The following TAF3 variants were observed in gnomAD, a reference collection of about 807,000 sequenced individuals.
The protein encoded by TAF3 is TATA-box binding protein associated factor 3.
TAF3 carries 7 observed loss-of-function variants against 80.6 expected under a neutral mutation model. The ratio of observed to expected loss-of-function variants is 0.09; its 90% CI spans 0.05 to 0.16. TAF3 has a LOEUF of 0.16. Among genes scored for constraint, TAF3 ranks in the 10% least tolerant of loss-of-function variants. TAF3 has a pLI of 1.00. For missense variants in TAF3, 921 were observed against 1,140.2 expected (o/e 0.81, Z 2.77); for synonymous variants, 444 against 446.1 (o/e 1.00, Z 0.06).
chr10:7,973,985 G>A (rs530073759), intron 3 of TAF3, among the ~76,000 whole-genome samples: 8 of 151,968 alleles, frequency 5.3e-5, no homozygotes, highest in South Asian at 4.2e-4. Context: ...AAAAGTAGCC[G>A]GGCATGGTGG....
chr10:7,822,200 A>T (rs1836696497), intron 1 of TAF3, among the ~76,000 whole-genome samples: 1 of 151,556 alleles, frequency 6.6e-6, no homozygotes, highest in Non-Finnish European at 1.5e-5. Flanking sequence ...TGAGATAGTG[A>T]CAGTAAGAAT....
At chr10:7,955,309 G>A (rs375470892) in intron 2 of TAF3, among the ~76,000 whole-genome samples, 171 of 152,304 alleles carry the variant, frequency 1.1e-3, no homozygotes, top group African/African-American at 3.9e-3. Flanking sequence ...GAAAGTTTGT[G>A]CATCATTGTA....
chr10:7,993,679 A>G (rs902330796), intron 4 of TAF3, among the ~76,000 whole-genome samples: 5 of 152,118 alleles, frequency 3.3e-5, no homozygotes, highest in African/African-American at 7.2e-5. Context: ...TTTTGCTGCT[A>G]TATACTTCTT....
intron 2 of TAF3, among the ~76,000 whole-genome samples, chr10:7,945,901 A>G (rs142271962): frequency 4.0e-4 from 61 of 152,268 alleles, no homozygotes; most frequent in African/African-American, 1.2e-3. Flanking sequence ...AGTAAAATCT[A>G]TGAATAGAGA....
intron 2 of TAF3, among the ~76,000 whole-genome samples, chr10:7,854,719 A>C (rs1281057110): frequency 6.6e-6 from 1 of 151,884 alleles, no homozygotes; most frequent in Non-Finnish European, 1.5e-5. Flanking sequence ...AAATATGTGC[A>C]TGTTTCTGTG....
chr10:7,944,093 TTGTG>T (rs35219363), intron 2 of TAF3, among the ~76,000 whole-genome samples: 3,453 of 137,054 alleles, frequency 0.025, 70 homozygotes, highest in African/African-American at 0.055. Context: ...ATGTTCATGC[TTGTG>T]TGTGTGTGTG....
At chr10:7,858,782 G>A (rs1405276444) in intron 2 of TAF3, among the ~76,000 whole-genome samples, 1 of 151,688 alleles carries the variant, frequency 6.6e-6, no homozygotes, top group Non-Finnish European at 1.5e-5. Flanking sequence ...ATCATCATCA[G>A]ATTTCACTGG....
chr10:7,899,382 C>T (rs548909558), intron 2 of TAF3, among the ~76,000 whole-genome samples: 9 of 152,328 alleles, frequency 5.9e-5, no homozygotes, highest in African/African-American at 1.9e-4. Flanking sequence ...CAGCAAGTCC[C>T]ATGTCCATCT....
intron 2 of TAF3, among the ~76,000 whole-genome samples, chr10:7,919,987 G>C (rs1165255309): frequency 6.6e-6 from 1 of 152,030 alleles, no homozygotes; most frequent in Non-Finnish European, 1.5e-5. Flanking sequence ...GGCTCATGCT[G>C]GTAATCCCAG....
chr10:7,979,262 T>A (rs1831701568), intron 4 of TAF3, among the ~76,000 whole-genome samples: 1 of 148,624 alleles, frequency 6.7e-6, no homozygotes, highest in African/African-American at 2.5e-5. Flanking sequence ...GAGAATGGCA[T>A]GAACCTGGGA....
intron 2 of TAF3, among the ~76,000 whole-genome samples, chr10:7,830,835 T>A (rs1204523599): frequency 6.6e-6 from 1 of 152,176 alleles, no homozygotes; most frequent in Non-Finnish European, 1.5e-5. Flanking sequence ...TTCTTTGTCT[T>A]ACAGTTTATT....
chr10:7,864,614 A>G (rs1242934657), intron 2 of TAF3, among the ~76,000 whole-genome samples: 1 of 152,150 alleles, frequency 6.6e-6, no homozygotes, highest in East Asian at 1.9e-4. Context: ...TTCTTGGGTA[A>G]ATGTCCAGGA....
intron 4 of TAF3, among the ~76,000 whole-genome samples, chr10:8,002,572 C>T (rs115546829): frequency 6.6e-6 from 1 of 152,154 alleles, no homozygotes; most frequent in Non-Finnish European, 1.5e-5. Context: ...AATCTGTGTA[C>T]AAACTATTCA....
chr10:8,004,588 A>G (rs1221065305), intron 4 of TAF3, among the ~76,000 whole-genome samples: 3 of 152,124 alleles, frequency 2.0e-5, no homozygotes, highest in Non-Finnish European at 2.9e-5. Flanking sequence ...TCTTTAGCAC[A>G]TTGAAGATGT....
At chr10:7,882,843 T>A (rs1837374565) in intron 2 of TAF3, among the ~76,000 whole-genome samples, 1 of 152,200 alleles carries the variant, frequency 6.6e-6, no homozygotes, top group South Asian at 2.1e-4. Context: ...GCACAAAGAA[T>A]TCCTAAGTAT....
At chr10:7,880,290 A>G (rs1211526303) in intron 2 of TAF3, among the ~76,000 whole-genome samples, 2 of 152,170 alleles carry the variant, frequency 1.3e-5, no homozygotes, top group African/African-American at 4.8e-5. Flanking sequence ...CTTTTTGGGG[A>G]AATAACTTTG....
intron 6 of TAF3, among the ~76,000 whole-genome samples, chr10:8,014,086 A>G (rs1221598432): frequency 7.0e-6 from 1 of 142,984 alleles, no homozygotes; most frequent in Non-Finnish European, 1.6e-5. Flanking sequence ...TATTAAAAAT[A>G]ATAATACTAA....
intron 3 of TAF3, among the ~76,000 whole-genome samples, chr10:7,976,071 T>G (rs1305653329): frequency 6.6e-6 from 1 of 152,168 alleles, no homozygotes; most frequent in Non-Finnish European, 1.5e-5. Context: ...AAATGTTGAT[T>G]ATATGATCTG....
At chr10:7,839,244 G>A (rs956539057) in intron 2 of TAF3, among the ~76,000 whole-genome samples, 22 of 152,076 alleles carry the variant, frequency 1.4e-4, no homozygotes, top group African/African-American at 4.1e-4. Flanking sequence ...TTGAGCGCCC[G>A]TATAATATAT....
Sources: gnomAD v4.1 joint callset for allele counts (sites outside exome capture counted in the v4.1 genomes callset) on GRCh38, gnomAD v4.1.1 for gene constraint, MANE v1.5 for transcripts, NCBI Gene and HGNC (gene_info 2026-07-23, HGNC 2026-07-21) for gene names.